Variants in FNDC3B observed in about 807,000 individuals in gnomAD.
FNDC3B encodes the protein fibronectin type III domain containing 3B, also known as fibronectin type III domain-containing protein 3B.
FNDC3B carries 12 observed loss-of-function variants against 151.5 expected under a neutral mutation model. That is an observed-to-expected ratio of 0.08 (90% CI 0.05 to 0.13). The LOEUF (loss-of-function observed/expected upper bound fraction) is 0.13. Among genes scored for constraint, FNDC3B ranks in the 10% least tolerant of loss-of-function variants. The probability of loss-of-function intolerance (pLI) is 1.00; values close to 1 mark genes in which losing one functional copy is unlikely to be tolerated. For missense variants in FNDC3B, 1,214 were observed against 1,505.3 expected (o/e 0.81, Z 3.20); for synonymous variants, 528 against 549.0 (o/e 0.96, Z 0.54).
At chr3:172,279,856 C>T (rs565359641) in intron 6 of FNDC3B, among the ~76,000 whole-genome samples, 6 of 152,218 alleles carry the variant, frequency 3.9e-5, no homozygotes, top group African/African-American at 4.8e-5. Flanking sequence ...TTGAAGATGG[C>T]CAATATTCTT....
intron 21 of FNDC3B, among the ~76,000 whole-genome samples, chr3:172,351,743 A>T (rs1733866289): frequency 6.6e-6 from 1 of 152,066 alleles, no homozygotes; most frequent in Non-Finnish European, 1.5e-5. Context: ...TGGCCTGGAG[A>T]GGGGTATGAG....
rs906691709 is a variant in FNDC3B, at chr3:172,261,753, A to G, written c.790+10212A>G. Among the ~76,000 whole-genome samples, 4 of 152,206 alleles carry G rather than the reference A, an allele frequency of 2.6e-5. No homozygotes were observed. In the South Asian group the frequency reaches 8.3e-4, roughly 31 times the overall value. ...ACCCACATAATAGCTCAGTGCATGC[A>G]ATTTACAAAGTAATAAGTGAAATGC... is the stretch of plus-strand genomic sequence containing the variant. On this transcript the variant is annotated intron_variant, in intron 6 of 25. Coordinates refer to ENST00000415807, the MANE Select transcript of FNDC3B (RefSeq NM_022763.4).
chr3:172,043,458 C>T (rs899863506), intron 1 of FNDC3B, among the ~76,000 whole-genome samples: 9 of 152,142 alleles, frequency 5.9e-5, no homozygotes, highest in African/African-American at 2.2e-4. Context: ...GTGATCCTCT[C>T]CCCTTAGCCT....
At chr3:172,387,344 C>A (rs915775096) in intron 25 of FNDC3B, among the ~76,000 whole-genome samples, 1 of 151,940 alleles carries the variant, frequency 6.6e-6, no homozygotes, top group African/African-American at 2.4e-5. Flanking sequence ...GTGATCCACC[C>A]GCCTCACCCT....
At chr3:172,183,304 A>C (rs1022772584) in intron 3 of FNDC3B, among the ~76,000 whole-genome samples, 1 of 152,234 alleles carries the variant, frequency 6.6e-6, no homozygotes, top group African/African-American at 2.4e-5. Flanking sequence ...CCAGAGGTTT[A>C]TATTTACCAT....
chr3:172,233,571 G>A (rs1243454234), intron 4 of FNDC3B, among the ~76,000 whole-genome samples: 1 of 152,218 alleles, frequency 6.6e-6, no homozygotes, highest in Admixed American at 6.5e-5. Flanking sequence ...TGGAAGCTGT[G>A]CAATACTTTC....
intron 3 of FNDC3B, chr3:172,186,796 A>T: frequency 1.4e-6 from 1 of 698,404 alleles, no homozygotes; most frequent in Non-Finnish European, 2.6e-6. Context: ...ATGTTTCATG[A>T]TCTGTGTCAT....
At chr3:172,095,963 T>C (rs1163163848) in intron 1 of FNDC3B, among the ~76,000 whole-genome samples, 1 of 152,252 alleles carries the variant, frequency 6.6e-6, no homozygotes, top group Non-Finnish European at 1.5e-5. Context: ...AGTTTTGCAT[T>C]GTATGGATAA....
At chr3:172,347,470 T>C in intron 21 of FNDC3B, 109 bp downstream of exon 21, 2 of 776,968 alleles carry the variant, frequency 2.6e-6, no homozygotes, top group Non-Finnish European at 1.9e-6. Context: ...AGGGATGATA[T>C]GGAAAAAAAG....
chr3:172,192,396 A>G (rs1724568396), intron 3 of FNDC3B, among the ~76,000 whole-genome samples: 1 of 152,010 alleles, frequency 6.6e-6, no homozygotes, highest in South Asian at 2.1e-4. Flanking sequence ...CGTGTTAGCC[A>G]GGATGGTCTT....
At chr3:172,121,857 A>G (rs1009545387) in intron 2 of FNDC3B, among the ~76,000 whole-genome samples, 1 of 152,164 alleles carries the variant, frequency 6.6e-6, no homozygotes, top group African/African-American at 2.4e-5. Flanking sequence ...GTGAGCCACT[A>G]TGCCCGGCCA....
chr3:172,196,232 G>A (rs912948510), intron 3 of FNDC3B, among the ~76,000 whole-genome samples: 3 of 152,090 alleles, frequency 2.0e-5, no homozygotes, highest in African/African-American at 7.2e-5. Flanking sequence ...CTGTTGCCCA[G>A]GCTGGAATTC....
At chr3:172,047,440 CAAGTTTAAATAGATCTTA>C (rs1459546135) in intron 1 of FNDC3B, among the ~76,000 whole-genome samples, 1 of 152,268 alleles carries the variant, frequency 6.6e-6, no homozygotes, top group Admixed American at 6.5e-5. Context: ...CTGTAAATAT[CAAGTTTAAATAGATCTTA>C]AGAGGAATAT....
At chr3:172,393,631 T>C (rs1023836285) in intron 25 of FNDC3B, among the ~76,000 whole-genome samples, 1 of 152,210 alleles carries the variant, frequency 6.6e-6, no homozygotes, top group Admixed American at 6.5e-5. Flanking sequence ...AGCCTGAAAT[T>C]ATATCAAGTA....
intron 6 of FNDC3B, among the ~76,000 whole-genome samples, chr3:172,273,876 A>C (rs1343044670): frequency 6.6e-6 from 1 of 152,216 alleles, no homozygotes. Context: ...AAAACAACAC[A>C]GGGATATTTC....
intron 10 of FNDC3B, 103 bp downstream of exon 10, chr3:172,307,604 G>A (rs1399225446): frequency 5.9e-6 from 7 of 1,178,284 alleles, no homozygotes; most frequent in African/African-American, 3.0e-5. Flanking sequence ...GAGGAGGGGG[G>A]ATCACTTGAA....
chr3:172,286,787 G>A (rs1364227865), intron 7 of FNDC3B, among the ~76,000 whole-genome samples: 1 of 152,142 alleles, frequency 6.6e-6, no homozygotes, highest in African/African-American at 2.4e-5. Context: ...TGCCACTGGG[G>A]GTTTTTGAGC....
intron 1 of FNDC3B, among the ~76,000 whole-genome samples, chr3:172,073,654 C>T (rs1308737973): frequency 7.9e-5 from 12 of 152,158 alleles, no homozygotes; most frequent in Non-Finnish European, 4.4e-5. Flanking sequence ...TGCCAATAAA[C>T]TTCCCATTTA....
At chr3:172,345,823 G>C (rs1487085204) in intron 19 of FNDC3B, 1 of 152,422 alleles carries the variant, frequency 6.6e-6, no homozygotes, top group East Asian at 1.9e-4. Flanking sequence ...TTGAATAGGT[G>C]AGGTGATGGG....
Sources: allele counts gnomAD v4.1 joint callset (sites outside exome capture counted in the v4.1 genomes callset), GRCh38; gene constraint gnomAD v4.1.1; transcripts MANE v1.5; gene names NCBI Gene and HGNC (gene_info 2026-07-23, HGNC 2026-07-21).